Variants in SHISA5 observed in about 807,000 individuals in gnomAD.
The protein encoded by SHISA5 is protein shisa-5.
A neutral mutation model predicts 27.5 loss-of-function variants in SHISA5; 21 were observed. That is an observed-to-expected ratio of 0.76 (90% CI 0.54 to 1.10). The LOEUF is 1.10. Ranked by LOEUF, SHISA5 falls within the 50% of genes least tolerant of loss-of-function variation. The probability of loss-of-function intolerance (pLI) is 0.00; values close to 1 mark genes in which losing one functional copy is unlikely to be tolerated. For missense variants in SHISA5, 314 were observed against 336.3 expected (o/e 0.93, Z 0.52); for synonymous variants, 137 against 142.2 (o/e 0.96, Z 0.26).
chr3:48,478,214 C>T (rs1324701889), intron 3 of SHISA5, among the ~76,000 whole-genome samples: 1 of 152,192 alleles, frequency 6.6e-6, no homozygotes, highest in Non-Finnish European at 1.5e-5. Context: ...TCTCAGGCTC[C>T]AACCAGCCCT....
chr3:48,469,015 C>G lies in SHISA5; in HGVS notation c.*92G>C. The stretch of plus-strand genomic sequence containing the variant: ...GTAAGGAACCGTGCCTGGACACACA[C>G]AGCACACATGGGGCGTAAGGAACCG... On this transcript the variant is annotated 3_prime_UTR_variant, in exon 6 of 6. Coordinates refer to ENST00000296444, the MANE Select transcript of SHISA5 (RefSeq NM_016479.6). The surrounding 1 kb of genome is among the most constrained non-coding windows in gnomAD (Gnocchi z 4.6). The G allele has an allele frequency of 6.3e-7, 1 of 1,596,228 alleles. No individual in the cohort carries two copies. The highest frequency in any genetic ancestry group is 8.5e-7 in the Non-Finnish European group (1 of 1,173,322).
chr3:48,480,283 T>G (rs1236216495), intron 2 of SHISA5, among the ~76,000 whole-genome samples: 1 of 136,126 alleles, frequency 7.3e-6, no homozygotes, highest in African/African-American at 3.0e-5. Context: ...ACTAAGAAGG[T>G]ACAAAAAAAA....
chr3:48,500,334 T>C (rs2041717469), intron 2 of SHISA5, among the ~76,000 whole-genome samples: 2 of 152,008 alleles, frequency 1.3e-5, no homozygotes, highest in Non-Finnish European at 2.9e-5. Context: ...TTAAAGTAAA[T>C]ATATAGGCCA....
chr3:48,483,669 G>A (rs1222658250), intron 2 of SHISA5, among the ~76,000 whole-genome samples: 1 of 150,618 alleles, frequency 6.6e-6, no homozygotes, highest in Non-Finnish European at 1.5e-5. Context: ...GGGTGGCCGG[G>A]CAGAGGCGCC....
At chr3:48,485,569 T>C (rs1419563231) in intron 2 of SHISA5, among the ~76,000 whole-genome samples, 1 of 144,424 alleles carries the variant, frequency 6.9e-6, no homozygotes, top group Non-Finnish European at 1.5e-5. Context: ...ATATATAATA[T>C]ATATTCTATA....
intron 2 of SHISA5, among the ~76,000 whole-genome samples, chr3:48,492,326 C>T (rs1194918014): frequency 6.6e-6 from 1 of 151,444 alleles, no homozygotes; most frequent in Non-Finnish European, 1.5e-5. Context: ...AAAAATTAGC[C>T]GGGCGCGGTG....
At chr3:48,485,426 T>A (rs2041171212) in intron 2 of SHISA5, among the ~76,000 whole-genome samples, 1 of 149,814 alleles carries the variant, frequency 6.7e-6, no homozygotes, top group African/African-American at 2.5e-5. Context: ...ACCTGGGAGG[T>A]GGAGGTTGCA....
chr3:48,498,848 G>T (rs71323401), intron 2 of SHISA5, among the ~76,000 whole-genome samples: 3 of 151,520 alleles, frequency 2.0e-5, no homozygotes, highest in African/African-American at 7.3e-5. Flanking sequence ...TTGGGAGGCC[G>T]AGGCAGGAGG....
intron 2 of SHISA5, among the ~76,000 whole-genome samples, chr3:48,486,319 T>TATA (rs2041227074): frequency 1.1e-5 from 1 of 90,618 alleles, no homozygotes; most frequent in African/African-American, 5.4e-5. Context: ...TAATATATAA[T>TATA]ACATTATGTT....
At chr3:48,492,925 C>T (rs2041474688) in intron 2 of SHISA5, among the ~76,000 whole-genome samples, 1 of 147,358 alleles carries the variant, frequency 6.8e-6, no homozygotes, top group East Asian at 1.9e-4. Context: ...ATGCCAGCAC[C>T]CTGATCTTAA....
intron 2 of SHISA5, among the ~76,000 whole-genome samples, chr3:48,488,492 G>T (rs1009302487): frequency 6.7e-6 from 1 of 149,428 alleles, no homozygotes; most frequent in Non-Finnish European, 1.5e-5. Flanking sequence ...CTCCCAAAGT[G>T]CTGGGATTAC....
rs71074254 is a variant in SHISA5 at position 48,496,289 on chromosome 3, CA to C, written c.233+4847del. Among the ~76,000 whole-genome samples the C allele has an allele frequency of 1.2e-3, 160 of 136,228 alleles. 1 individual carries two copies. The highest frequency in any genetic ancestry group is 4.3e-3 in the Middle Eastern group (1 of 230). The allele number at this position is 136,228 out of a possible 152,430, so 89.4% of individuals were successfully genotyped here. On this transcript the variant is annotated intron_variant, in intron 2 of 5. Transcript: ENST00000296444. ...CCTGGGCAACAGAGTGCGACTCCGTCAAAAAAAAAAATACAAAAATTAGGCC... is the reference window on the plus strand; with the variant it reads ...CCTGGGCAACAGAGTGCGACTCCGTCAAAAAAAAAATACAAAAATTAGGCC...
At chr3:48,504,422 C>G, upstream of SHISA5, 1 of 247,408 alleles carries the variant, frequency 4.0e-6, no homozygotes, top group Admixed American at 5.6e-5. This position sits in a 1 kb window ranked among gnomAD's most constrained non-coding sequence, Gnocchi z 4.0. Flanking sequence ...CTTCTGCTCA[C>G]CGGATGCATG....
intron 2 of SHISA5, 121 bp downstream of exon 2, chr3:48,501,016 G>A: frequency 8.6e-7 from 1 of 1,164,140 alleles, no homozygotes; most frequent in Non-Finnish European, 1.2e-6. Context: ...CTGCTCCAAT[G>A]CTCTGGCCAC....
At chr3:48,481,072 G>A (rs1201025616) in intron 2 of SHISA5, among the ~76,000 whole-genome samples, 1 of 152,068 alleles carries the variant, frequency 6.6e-6, no homozygotes, top group Non-Finnish European at 1.5e-5. Context: ...TCCAGCCTGG[G>A]CGACAAGAGC....
intron 3 of SHISA5, among the ~76,000 whole-genome samples, chr3:48,475,372 G>C (rs2040788131): frequency 6.6e-6 from 1 of 152,152 alleles, no homozygotes; most frequent in Non-Finnish European, 1.5e-5. Flanking sequence ...GGAGGGAGCA[G>C]AAGGCAGAGG....
rs2040725938 is a variant in SHISA5 at position 48,473,752 on chromosome 3, T to G, written c.315-3909A>C. On this transcript the variant is annotated intron_variant, in intron 3 of 5. Transcript: ENST00000296444. This position sits in a 1 kb window ranked among gnomAD's most constrained non-coding sequence, Gnocchi z 4.3. ...TGTCTGTGCTTTCCTGTGTATGTAT[T>G]ATAGTTGACAATAAAAGAAGAAAAG... 6.6e-6 allele frequency among the ~76,000 whole-genome samples: 1 copy of G among 152,128 alleles called. No homozygotes were observed. The highest frequency in any genetic ancestry group is 6.6e-5 in the Admixed American group (1 of 15,266).
intron 2 of SHISA5, among the ~76,000 whole-genome samples, chr3:48,497,903 G>GA (rs1318258931): frequency 9.3e-5 from 14 of 149,826 alleles, no homozygotes; most frequent in Non-Finnish European, 1.3e-4. Flanking sequence ...AAAAAAAGAA[G>GA]AGAGAGAGAG....
intron 2 of SHISA5, 75 bp from the exon 3 acceptor site, chr3:48,479,332 C>G: frequency 7.1e-7 from 1 of 1,407,360 alleles, no homozygotes; most frequent in East Asian, 2.5e-5. Context: ...CTTAGGGCAC[C>G]ACAAAACGTG....
Sources: allele counts gnomAD v4.1 joint callset (sites outside exome capture counted in the v4.1 genomes callset), GRCh38; gene constraint gnomAD v4.1.1; non-coding constraint Gnocchi (gnomAD v3.1); transcripts MANE v1.5; gene names NCBI Gene and HGNC (gene_info 2026-07-23, HGNC 2026-07-21).